Variants in SLC25A13 observed in about 807,000 individuals in gnomAD.
SLC25A13 encodes the protein solute carrier family 25 member 13.
SLC25A13 carries 70 observed loss-of-function variants against 85.5 expected under a neutral mutation model. That is an observed-to-expected ratio of 0.82 (90% CI 0.68 to 1.00). The LOEUF (loss-of-function observed/expected upper bound fraction) is 1.00. Among genes scored for constraint, SLC25A13 ranks in the 50% least tolerant of loss-of-function variants. SLC25A13 has a pLI of 0.00. For synonymous variants in SLC25A13, 259 were observed against 288.7 expected, an observed-to-expected ratio of 0.90 and a Z score of 1.04; for missense variants, 765 against 819.8, an observed-to-expected ratio of 0.93 and a Z score of 0.82.
intron 3 of SLC25A13, among the ~76,000 whole-genome samples, chr7:96,258,683 T>C (rs1370833614): frequency 2.6e-5 from 4 of 152,094 alleles, no homozygotes; most frequent in South Asian, 2.1e-4. Flanking sequence ...CAAACTACCA[T>C]TGACTTCCTT....
At chr7:96,321,920 C>T in intron 1 of SLC25A13, 22 bp downstream of exon 1, 4 of 1,529,590 alleles carry the variant, frequency 2.6e-6, no homozygotes. Flanking sequence ...CGCGCTCCCC[C>T]CGGCCTCGGG....
At chr7:96,132,424 ATACT>A (rs1792073733) in intron 14 of SLC25A13, among the ~76,000 whole-genome samples, 1 of 152,216 alleles carries the variant, frequency 6.6e-6, no homozygotes, top group Non-Finnish European at 1.5e-5. Flanking sequence ...ATTTTATTAT[ATACT>A]TACTTACCTG....
intron 13 of SLC25A13, among the ~76,000 whole-genome samples, chr7:96,162,619 G>A (rs1793555847): frequency 6.6e-6 from 1 of 152,136 alleles, no homozygotes; most frequent in Non-Finnish European, 1.5e-5. Flanking sequence ...TGGGGCTGGG[G>A]CAAGGGATGA....
chr7:96,173,559 C>T lies in SLC25A13; in HGVS notation c.1178-2035G>A, dbSNP rs138661843. ...ATCCTATCAGCATTTGAGTTTGCAA[C>T]GCTTCTTTTTGTTTTTTCTCATTTT... On this transcript the variant is annotated intron_variant, in intron 11 of 17. Coordinates refer to ENST00000265631, the MANE Select transcript of SLC25A13 (RefSeq NM_014251.3). Among the ~76,000 whole-genome samples, 87 of 152,308 alleles carry T rather than the reference C, an allele frequency of 5.7e-4. 1 individual carries two copies. Among genetic ancestry groups the T allele is most frequent in the African/African-American group, 1.8e-3 (75 of 41,576 alleles).
chr7:96,238,072 T>C (rs1796811155), intron 3 of SLC25A13, among the ~76,000 whole-genome samples: 1 of 152,004 alleles, frequency 6.6e-6, no homozygotes. Flanking sequence ...TATTTGGAAA[T>C]AGGGTAGCTG....
chr7:96,242,997 T>A (rs866461610), intron 3 of SLC25A13, among the ~76,000 whole-genome samples: 8 of 152,210 alleles, frequency 5.3e-5, no homozygotes, highest in Middle Eastern at 3.4e-3. Flanking sequence ...GGAGTCTCAC[T>A]CTTGTTGCCC....
At chr7:96,168,987 T>C (rs935179045) in intron 13 of SLC25A13, among the ~76,000 whole-genome samples, 1 of 152,184 alleles carries the variant, frequency 6.6e-6, no homozygotes, top group African/African-American at 2.4e-5. Context: ...AGGCTCCTTT[T>C]TTTCCATCCT....
intron 2 of SLC25A13, among the ~76,000 whole-genome samples, chr7:96,282,137 C>G (rs1475354507): frequency 6.6e-6 from 1 of 152,180 alleles, no homozygotes; most frequent in African/African-American, 2.4e-5. Flanking sequence ...ATTAAACATA[C>G]ACCTGCAAAA....
At chr7:96,197,882 C>T (rs967211685) in intron 5 of SLC25A13, among the ~76,000 whole-genome samples, 1 of 152,068 alleles carries the variant, frequency 6.6e-6, no homozygotes, top group South Asian at 2.1e-4. Flanking sequence ...ATTAGGCTGC[C>T]CCTCTATTTC....
At chr7:96,219,742 A>G (rs769909269) in intron 4 of SLC25A13, 1 of 534,522 alleles carries the variant, frequency 1.9e-6, no homozygotes, top group Non-Finnish European at 3.8e-6. Flanking sequence ...CCCATGGTCT[A>G]CCTCATTGAT....
chr7:96,316,830 A>G (rs1800142952), intron 1 of SLC25A13, among the ~76,000 whole-genome samples: 1 of 151,908 alleles, frequency 6.6e-6, no homozygotes, highest in South Asian at 2.1e-4. Flanking sequence ...CATCTCCCAC[A>G]CCTCTCCCAT....
intron 3 of SLC25A13, among the ~76,000 whole-genome samples, chr7:96,274,026 G>A (rs1234264634): frequency 6.6e-6 from 1 of 152,160 alleles, no homozygotes; most frequent in African/African-American, 2.4e-5. Context: ...CCCCCTTGGG[G>A]TTAGGGTAGA....
At chr7:96,245,035 G>C (rs1797133991) in intron 3 of SLC25A13, among the ~76,000 whole-genome samples, 1 of 151,756 alleles carries the variant, frequency 6.6e-6, no homozygotes, top group Admixed American at 6.6e-5. Flanking sequence ...AGCTCTACTT[G>C]GCAGCCCATC....
intron 3 of SLC25A13, among the ~76,000 whole-genome samples, chr7:96,254,543 T>C (rs1584517942): frequency 6.6e-6 from 1 of 152,240 alleles, no homozygotes; most frequent in East Asian, 1.9e-4. Flanking sequence ...TGTATTTGTC[T>C]CTCTTTATAT....
intron 13 of SLC25A13, among the ~76,000 whole-genome samples, chr7:96,148,386 C>G (rs1012342007): frequency 6.6e-6 from 1 of 152,190 alleles, no homozygotes; most frequent in Non-Finnish European, 1.5e-5. Context: ...GAACAACTCC[C>G]TGGTTGTTTA....
At chr7:96,286,958 C>A (rs1188955267) in intron 2 of SLC25A13, among the ~76,000 whole-genome samples, 1 of 152,198 alleles carries the variant, frequency 6.6e-6, no homozygotes, top group Non-Finnish European at 1.5e-5. Context: ...AAGAAGAATC[C>A]TCTCTTTACA....
intron 3 of SLC25A13, among the ~76,000 whole-genome samples, chr7:96,252,308 A>C (rs923364403): frequency 3.3e-5 from 5 of 152,156 alleles, no homozygotes; most frequent in African/African-American, 7.2e-5. Context: ...GTAAGATTTG[A>C]AGGGAGGTGT....
chr7:96,122,515 C>T (rs928026724), intron 15 of SLC25A13, among the ~76,000 whole-genome samples: 1 of 151,990 alleles, frequency 6.6e-6, no homozygotes, highest in African/African-American at 2.4e-5. Context: ...TCTCCAGTTA[C>T]ACCAGAAAAA....
intron 5 of SLC25A13, among the ~76,000 whole-genome samples, chr7:96,194,706 G>A (rs1794996951): frequency 6.6e-6 from 1 of 152,118 alleles, no homozygotes. Context: ...AAGGCAGGGA[G>A]ATGAAAGAAG....
Sources: gnomAD v4.1 joint callset for allele counts (sites outside exome capture counted in the v4.1 genomes callset) on GRCh38, gnomAD v4.1.1 for gene constraint, MANE v1.5 for transcripts, NCBI Gene and HGNC (gene_info 2026-07-23, HGNC 2026-07-21) for gene names.